CNTN4: variants seen among roughly 807,000 people sequenced by gnomAD.
CNTN4 encodes the protein contactin 4, also known as contactin-4.
In CNTN4, 77 loss-of-function variants were observed where a neutral mutation model predicts 122.5. The observed-to-expected ratio is 0.63, with a 90% CI of 0.52 to 0.76. The LOEUF (loss-of-function observed/expected upper bound fraction) is 0.76. CNTN4 is among the 30% of genes least tolerant of loss of function. CNTN4 has a pLI of 0.00. For synonymous variants in CNTN4, 512 were observed against 447.0 expected (o/e 1.15, Z -1.83); for missense variants, 1,256 against 1,259.1 (o/e 1.00, Z 0.04).
chr3:2,513,830 C>T (rs2076962437), intron 3 of CNTN4, among the ~76,000 whole-genome samples: 2 of 152,068 alleles, frequency 1.3e-5, no homozygotes, highest in Non-Finnish European at 2.9e-5. Context: ...TATGTGGTCT[C>T]TTGACAGATC....
chr3:2,644,303 C>T (rs1487341527), intron 4 of CNTN4, among the ~76,000 whole-genome samples: 1 of 152,176 alleles, frequency 6.6e-6, no homozygotes, highest in Non-Finnish European at 1.5e-5. Flanking sequence ...GGTCTAGTGA[C>T]ACTTGCTCTC....
Position 2,916,557 on chromosome 3 carries a change from T to C in CNTN4, c.1208-9072T>C, listed in dbSNP as rs974407823. Among the ~76,000 whole-genome samples the C allele has an allele frequency of 6.9e-4, 96 of 139,428 alleles. 3 individuals are homozygous for C. The highest frequency in any genetic ancestry group is 2.5e-3 in the African/African-American group (93 of 37,188). The allele number at this position is 139,428 out of a possible 152,430, so 91.5% of individuals were successfully genotyped here. ...TTAACAGCATCCCAAGGCAGAAGAA[T>C]TTTTCTTAGTACAGAACAAAATGGA... On this transcript the variant is annotated intron_variant, in intron 12 of 24. Coordinates refer to ENST00000418658, the MANE Select transcript of CNTN4 (RefSeq NM_175607.3).
At chr3:2,512,490 TTAA>T (rs2076916639) in intron 3 of CNTN4, among the ~76,000 whole-genome samples, 1 of 152,218 alleles carries the variant, frequency 6.6e-6, no homozygotes, top group African/African-American at 2.4e-5. Flanking sequence ...TTTAATATTG[TTAA>T]TAATGTTTGC....
intron 2 of CNTN4, among the ~76,000 whole-genome samples, chr3:2,220,272 T>G (rs1559353308): frequency 6.6e-6 from 1 of 152,172 alleles, no homozygotes; most frequent in Non-Finnish European, 1.5e-5. Flanking sequence ...CTGTGAACAC[T>G]TATCACCACC....
chr3:2,976,495 A>G (rs2125146358), intron 13 of CNTN4, among the ~76,000 whole-genome samples: 1 of 149,108 alleles, frequency 6.7e-6, no homozygotes, highest in Middle Eastern at 3.6e-3. Flanking sequence ...TGTCTGTTCA[A>G]TAGTGATGTC....
At chr3:2,253,640 T>G (rs2040461273) in intron 2 of CNTN4, among the ~76,000 whole-genome samples, 1 of 151,954 alleles carries the variant, frequency 6.6e-6, no homozygotes, top group Non-Finnish European at 1.5e-5. Context: ...TGATTACTTT[T>G]TCATTTTTTT....
intron 3 of CNTN4, among the ~76,000 whole-genome samples, chr3:2,567,118 C>T (rs2079201202): frequency 7.2e-6 from 1 of 138,630 alleles, no homozygotes; most frequent in Non-Finnish European, 1.5e-5. Context: ...CGGAGTCTTG[C>T]TCATTGTCCA....
intron 6 of CNTN4, among the ~76,000 whole-genome samples, chr3:2,760,072 C>G (rs9827038): frequency 0.7 from 105,806 of 151,802 alleles, 38,273 homozygotes; most frequent in Non-Finnish European, 0.8. Flanking sequence ...GTATATTCCT[C>G]ATACAAGCGC....
At chr3:2,711,056 G>A (rs2087117130) in intron 4 of CNTN4, among the ~76,000 whole-genome samples, 1 of 152,238 alleles carries the variant, frequency 6.6e-6, no homozygotes, top group South Asian at 2.1e-4. Context: ...GCCCAAAGTA[G>A]AGATCTAATA....
At chr3:2,685,390 G>T (rs2085380904) in intron 4 of CNTN4, among the ~76,000 whole-genome samples, 1 of 152,068 alleles carries the variant, frequency 6.6e-6, no homozygotes, top group South Asian at 2.1e-4. Flanking sequence ...AAATCCCCAA[G>T]GAAACCAAAG....
chr3:2,268,613 T>C (rs891683403), intron 2 of CNTN4, among the ~76,000 whole-genome samples: 2 of 152,050 alleles, frequency 1.3e-5, no homozygotes, highest in East Asian at 3.8e-4. Flanking sequence ...TAGGTCCTAG[T>C]TAATGTGATA....
chr3:2,957,044 A>C (rs2094806780), intron 13 of CNTN4, among the ~76,000 whole-genome samples: 1 of 152,170 alleles, frequency 6.6e-6, no homozygotes, highest in Admixed American at 6.5e-5. Context: ...CCCGTGATGG[A>C]CACTTGGGTT....
chr3:2,334,585 A>C (rs1010145844), intron 2 of CNTN4, among the ~76,000 whole-genome samples: 2 of 152,190 alleles, frequency 1.3e-5, no homozygotes, highest in African/African-American at 4.8e-5. Flanking sequence ...GGTAAAGCTT[A>C]GACTCAAATA....
At chr3:2,822,059 G>T (rs750048682) in intron 7 of CNTN4, among the ~76,000 whole-genome samples, 13 of 152,192 alleles carry the variant, frequency 8.5e-5, no homozygotes, top group African/African-American at 1.4e-4. Flanking sequence ...GGGAGAGGTA[G>T]GTTCCCCTCT....
chr3:2,314,043 G>T (rs1039672347), intron 2 of CNTN4, among the ~76,000 whole-genome samples: 1 of 151,876 alleles, frequency 6.6e-6, no homozygotes, highest in Non-Finnish European at 1.5e-5. Flanking sequence ...AAAATGTACT[G>T]TTTTTATTTA....
chr3:2,284,450 C>G (rs1217569374), intron 2 of CNTN4, among the ~76,000 whole-genome samples: 1 of 152,026 alleles, frequency 6.6e-6, no homozygotes, highest in African/African-American at 2.4e-5. Flanking sequence ...TTTAACTGGT[C>G]TGGAAGGCAA....
At chr3:2,374,853 G>T (rs375759748) in intron 3 of CNTN4, among the ~76,000 whole-genome samples, 2 of 152,092 alleles carry the variant, frequency 1.3e-5, no homozygotes, top group South Asian at 2.1e-4. Flanking sequence ...TGCTAATCAC[G>T]TGTCACTGGT....
chr3:2,675,443 C>G (rs1309724027), intron 4 of CNTN4, among the ~76,000 whole-genome samples: 1 of 152,210 alleles, frequency 6.6e-6, no homozygotes, highest in Non-Finnish European at 1.5e-5. Flanking sequence ...AATAGTTCCA[C>G]CCTCTCAGCC....
chr3:2,289,427 A>G (rs2042053523), intron 2 of CNTN4, among the ~76,000 whole-genome samples: 1 of 152,256 alleles, frequency 6.6e-6, no homozygotes, highest in African/African-American at 2.4e-5. Flanking sequence ...TATCTATAAG[A>G]CAGAGTTTCT....
Sources: gnomAD v4.1 joint callset for allele counts (sites outside exome capture counted in the v4.1 genomes callset) on GRCh38, gnomAD v4.1.1 for gene constraint, MANE v1.5 for transcripts, NCBI Gene and HGNC (gene_info 2026-07-23, HGNC 2026-07-21) for gene names.